Variants in SLC17A3 observed in about 807,000 individuals in gnomAD.
The protein encoded by SLC17A3 is sodium-dependent phosphate transport protein 4.
A neutral mutation model predicts 60.3 loss-of-function variants in SLC17A3; 61 were observed. That is an observed-to-expected ratio of 1.01 (90% CI 0.82 to 1.25). The LOEUF (loss-of-function observed/expected upper bound fraction) is 1.25, where lower values mean the gene tolerates loss of function less well. SLC17A3 is among the 50% of genes most tolerant of loss of function. SLC17A3 has a pLI of 0.00. For missense variants in SLC17A3, 624 were observed against 594.9 expected (o/e 1.05, Z -0.51); for synonymous variants, 192 against 208.9 (o/e 0.92, Z 0.70).
chr6:25,861,917 G>A lies in SLC17A3; in HGVS notation c.416C>T (p.Thr139Ile), dbSNP rs1408477198. 6.2e-7 allele frequency: 1 copy of A among 1,612,798 alleles called. No individual in the cohort carries two copies. Among genetic ancestry groups the A allele is most frequent in the African/African-American group, 1.3e-5 (1 of 74,986 alleles). Residue 139 changes from threonine to isoleucine, a missense_variant, in exon 4 of 13, where the codon ACA (threonine) becomes ATA (isoleucine). Physicochemically the swap from Thr to Ile is moderately conservative, Grantham distance 89 (BLOSUM62 -1). Transcript: ENST00000397060. The stretch of plus-strand genomic sequence containing the variant: ...CAAAGAAATGCCAACCACTCGCTTT[G>A]TTCCTACTCTTCCAGCCAGGTATCC... ...PSGYLAGRVG[T>I]KRVVGISLFA...
intron 2 of SLC17A3, among the ~76,000 whole-genome samples, chr6:25,863,722 T>G (rs1412321286): frequency 6.6e-6 from 1 of 152,084 alleles, no homozygotes; most frequent in Non-Finnish European, 1.5e-5. Context: ...AAGCCTGGGA[T>G]TGTCCAGTTC....
chr6:25,869,730 A>G (rs868786008), intron 1 of SLC17A3, among the ~76,000 whole-genome samples: 1 of 152,100 alleles, frequency 6.6e-6, no homozygotes. Flanking sequence ...TGAGAACAGT[A>G]TGGGGGAAAC....
chr6:25,871,107 A>C (rs1765633179), intron 1 of SLC17A3, among the ~76,000 whole-genome samples: 1 of 152,080 alleles, frequency 6.6e-6, no homozygotes, highest in South Asian at 2.1e-4. Context: ...TAGAACTAGA[A>C]ATACCATTTG....
In SLC17A3 at chr6:25,845,286, C is replaced by T. The variant is rs1160959463; in HGVS notation, c.*15G>A. On this transcript the variant is annotated 3_prime_UTR_variant, in exon 13 of 13. Transcript: ENST00000397060. ...TACGGTGCCTAATGACTTTTCCATC[C>T]AAGGTGGGATAACTAAGAAAGGAAA... 1 of 1,470,094 alleles carries T rather than the reference C, an allele frequency of 6.8e-7. No homozygotes were observed. Among genetic ancestry groups the T allele is most frequent in the African/African-American group, 1.4e-5 (1 of 71,932 alleles). The allele number at this position is 1,470,094 out of a possible 1,614,324, so 91.1% of individuals were successfully genotyped here. A position where few individuals can be genotyped will look rare whatever the true frequency, so the allele number is the denominator to read the frequency against.
intron 2 of SLC17A3, among the ~76,000 whole-genome samples, chr6:25,863,807 C>T (rs1459373182): frequency 2.0e-5 from 3 of 151,980 alleles, no homozygotes; most frequent in Non-Finnish European, 4.4e-5. Context: ...CTCTTCTAGG[C>T]CACGTCCTCC....
At chr6:25,849,292 C>T (rs1450465304) in intron 11 of SLC17A3, 82 bp downstream of exon 11, 1 of 811,480 alleles carries the variant, frequency 1.2e-6, no homozygotes, top group Non-Finnish European at 2.1e-6. Context: ...CTTTATTTTT[C>T]AGTCTTTGAA....
intron 5 of SLC17A3, among the ~76,000 whole-genome samples, chr6:25,858,842 C>T (rs1354205225): frequency 6.6e-6 from 1 of 152,178 alleles, no homozygotes; most frequent in African/African-American, 2.4e-5. Context: ...CATATACATG[C>T]ATTCACATCT....
rs760698088 is a variant in SLC17A3 at position 25,845,516 on chromosome 6, C to T, written c.1363G>A (p.Asp455Asn). 1.9e-6 allele frequency: 3 copies of T among 1,614,004 alleles called. No homozygotes were observed. Among genetic ancestry groups the T allele is most frequent in the Non-Finnish European group, 2.5e-6 (3 of 1,179,916 alleles). The change falls in exon 12 of 13, where the codon GAC becomes AAC. Residue 455 changes from aspartate (D) to asparagine (N), a missense_variant and splice_region_variant. Transcript: ENST00000397060. ...ACATTCCTCCACCCAAACTCAGGGT[C>T]CTGGAGACACAAAACCCCAAGTATA... ...PTVSGFLLSQ[D>N]PEFGWRNVFF... is the part of the protein sequence containing the mutation.
intron 2 of SLC17A3, among the ~76,000 whole-genome samples, chr6:25,863,794 C>T (rs918454082): frequency 2.0e-5 from 3 of 151,952 alleles, no homozygotes; most frequent in African/African-American, 7.3e-5. Flanking sequence ...GCTGGATTGA[C>T]CACTCTTCTA....
At chr6:25,872,329 CAAA>C (rs35631811) in intron 1 of SLC17A3, among the ~76,000 whole-genome samples, 6 of 95,302 alleles carry the variant, frequency 6.3e-5, no homozygotes, top group Admixed American at 1.2e-4. Flanking sequence ...GCTTTAACGC[CAAA>C]AAAAAAAAAA....
chr6:25,868,504 A>G, intron 1 of SLC17A3, 84 bp from the exon 2 acceptor site: 1 of 916,448 alleles, frequency 1.1e-6, no homozygotes, highest in Non-Finnish European at 1.7e-6. Context: ...GCACCAAGGA[A>G]AAAAAAGCTG....
chr6:25,845,417 C>G lies in SLC17A3; in HGVS notation c.1462G>C (p.Glu488Gln). 6.2e-7 allele frequency: 1 copy of G among 1,614,038 alleles called. No individual in the cohort carries two copies. Among genetic ancestry groups the G allele is most frequent in the Non-Finnish European group, 8.5e-7 (1 of 1,179,940 alleles). ...YLIFGEADVQ[E>Q]WAKERKLTRL ...GTGAGTTTTCTCTCTTTAGCCCATTCTTGGACATCTGCTTCTCCAAATATG... is the reference window on the plus strand; with the variant it reads ...GTGAGTTTTCTCTCTTTAGCCCATTGTTGGACATCTGCTTCTCCAAATATG... Residue 488 changes from glutamate to glutamine, a missense_variant, in exon 12 of 13, where the codon GAA becomes CAA. Physicochemically the swap from Glu to Gln is conservative, Grantham distance 29. Coordinates refer to ENST00000397060, the MANE Select transcript of SLC17A3 (RefSeq NM_001098486.2).
At chr6:25,870,973 A>G (rs1296217011) in intron 1 of SLC17A3, among the ~76,000 whole-genome samples, 3 of 151,998 alleles carry the variant, frequency 2.0e-5, no homozygotes, top group African/African-American at 7.2e-5. Context: ...ATGTTTGAAT[A>G]CGCCCCATGT....
At chr6:25,869,288 T>C (rs1426919664) in intron 1 of SLC17A3, among the ~76,000 whole-genome samples, 1 of 152,004 alleles carries the variant, frequency 6.6e-6, no homozygotes, top group Admixed American at 6.6e-5. Context: ...TTATTAAATT[T>C]ATGATTCTCT....
chr6:25,861,804 G>A lies in SLC17A3; in HGVS notation c.529C>T (p.Leu177=), dbSNP rs1765451895. ...LLIVTRIVQG[L]SQSSILGGQF... ...TATAAAATATTGGGTACCTGGCTTA[G>A]GCCCTGGACTATTCGAGTTACAATG... Residue 177 remains leucine (L), a synonymous_variant, in exon 4 of 13, where the codon CTA becomes TTA. Coordinates refer to ENST00000397060, the MANE Select transcript of SLC17A3 (RefSeq NM_001098486.2). 4 of 1,613,200 alleles carry A rather than the reference G, an allele frequency of 2.5e-6. No homozygotes were observed. Among genetic ancestry groups the A allele is most frequent in the Non-Finnish European group, 3.4e-6 (4 of 1,179,404 alleles).
chr6:25,861,484 C>T, intron 5 of SLC17A3, 140 bp downstream of exon 5: 1 of 756,576 alleles, frequency 1.3e-6, no homozygotes, highest in Non-Finnish European at 2.3e-6. Context: ...ATGTCATAGA[C>T]AAAGGACCAG....
chr6:25,867,372 C>T (rs1419174085), intron 2 of SLC17A3, among the ~76,000 whole-genome samples: 1 of 151,884 alleles, frequency 6.6e-6, no homozygotes, highest in Non-Finnish European at 1.5e-5. Context: ...TCAAAATCCT[C>T]CCTGTGTTTT....
Position 25,868,400 on chromosome 6 carries a change from C to G in SLC17A3, c.-13G>C. 2 of 1,607,152 alleles carry G rather than the reference C, an allele frequency of 1.2e-6. No individual in the cohort carries two copies. Among genetic ancestry groups the G allele is most frequent in the Non-Finnish European group, 1.7e-6 (2 of 1,174,416 alleles). On this transcript the variant is annotated 5_prime_UTR_variant, in exon 2 of 13. Coordinates refer to ENST00000397060, the MANE Select transcript of SLC17A3 (RefSeq NM_001098486.2). ...TCTTGGTGGCCATTGTGTTTCTCCTCTCCTAGTGAATGGTTTTCACCTATC... is the reference window on the plus strand; with the variant it reads ...TCTTGGTGGCCATTGTGTTTCTCCTGTCCTAGTGAATGGTTTTCACCTATC...
At chr6:25,850,960 A>C in intron 6 of SLC17A3, 83 bp from the exon 7 acceptor site, 2 of 1,015,174 alleles carry the variant, frequency 2.0e-6, no homozygotes, top group Non-Finnish European at 3.1e-6. Flanking sequence ...ATTTTCTGTT[A>C]TAAGTTCTAG....
Sources: allele counts gnomAD v4.1 joint callset (sites outside exome capture counted in the v4.1 genomes callset), GRCh38; gene constraint gnomAD v4.1.1; transcripts MANE v1.5; gene names NCBI Gene and HGNC (gene_info 2026-07-23, HGNC 2026-07-21).